The following ACVR1B variants were observed in gnomAD, a reference collection of about 807,000 sequenced individuals.
The protein encoded by ACVR1B is activin receptor type-1B.
ACVR1B carries 15 observed loss-of-function variants against 55.6 expected under a neutral mutation model. The observed-to-expected ratio is 0.27, with a 90% CI of 0.18 to 0.42. The LOEUF is 0.42. Among genes scored for constraint, ACVR1B ranks in the 10% least tolerant of loss-of-function variants. The pLI is 1.00. For synonymous variants in ACVR1B, 247 were observed against 254.6 expected, an observed-to-expected ratio of 0.97 and a Z score of 0.28; for missense variants, 359 against 670.1, an observed-to-expected ratio of 0.54 and a Z score of 5.13.
chr12:51,989,169 A>ACTCCTAC (rs1043374451), intron 7 of ACVR1B, among the ~76,000 whole-genome samples: 39 of 151,410 alleles, frequency 2.6e-4, no homozygotes, highest in Middle Eastern at 3.4e-3. Flanking sequence ...GGTAGGAGAG[A>ACTCCTAC]CTCCATCTCT....
At chr12:51,989,445 G>C (rs4761842) in intron 7 of ACVR1B, among the ~76,000 whole-genome samples, 119,354 of 151,186 alleles carry the variant, frequency 0.79, 47,930 homozygotes, top group African/African-American at 0.9. Context: ...CCACCACTGC[G>C]GGCTGATTTT....
At chr12:51,973,442 C>T (rs1941785886) in intron 1 of ACVR1B, among the ~76,000 whole-genome samples, 1 of 152,176 alleles carries the variant, frequency 6.6e-6, no homozygotes, top group Non-Finnish European at 1.5e-5. Flanking sequence ...TGGGAGTTAG[C>T]TTTCTTAAGA....
At chr12:51,984,896 C>T (rs1396629347) in intron 5 of ACVR1B, among the ~76,000 whole-genome samples, 3 of 152,178 alleles carry the variant, frequency 2.0e-5, no homozygotes, top group Non-Finnish European at 4.4e-5. Context: ...TCAGGGAAGG[C>T]GAGTAGTAGT....
At chr12:51,958,863 A>C (rs540348106) in intron 1 of ACVR1B, among the ~76,000 whole-genome samples, 1 of 152,262 alleles carries the variant, frequency 6.6e-6, no homozygotes, top group South Asian at 2.1e-4. Context: ...CAGGCCGTGG[A>C]CCAGTACCGG....
At chr12:51,969,578 G>C (rs1941706297) in intron 1 of ACVR1B, among the ~76,000 whole-genome samples, 2 of 152,278 alleles carry the variant, frequency 1.3e-5, no homozygotes, top group South Asian at 4.1e-4. Flanking sequence ...CTAAAGCCCA[G>C]GCAGGCTAAT....
intron 7 of ACVR1B, chr12:51,987,209 T>A (rs1942097205): frequency 1.5e-6 from 1 of 669,856 alleles, no homozygotes; most frequent in East Asian, 2.7e-5. Flanking sequence ...AAACATTGTT[T>A]TATTAGTCCG....
intron 4 of ACVR1B, chr12:51,982,654 A>T: frequency 1.3e-6 from 2 of 1,503,942 alleles, no homozygotes; most frequent in Non-Finnish European, 8.8e-7. Flanking sequence ...CCTACAGAAG[A>T]TGCTATTTGT....
intron 8 of ACVR1B, 137 bp downstream of exon 8, chr12:51,992,130 A>G: frequency 1.7e-6 from 2 of 1,161,474 alleles, no homozygotes; most frequent in Admixed American, 2.3e-5. Flanking sequence ...GTGCTATTTT[A>G]CATATCCCAA....
At chr12:51,985,371 C>T in intron 6 of ACVR1B, 23 bp downstream of exon 6, 1 of 1,591,716 alleles carries the variant, frequency 6.3e-7, no homozygotes, top group Non-Finnish European at 8.5e-7. Context: ...GGGACTCTGC[C>T]CTTGCTAAGC....
chr12:51,972,703 G>A (rs1016773592), intron 1 of ACVR1B, among the ~76,000 whole-genome samples: 14 of 152,310 alleles, frequency 9.2e-5, no homozygotes, highest in Non-Finnish European at 8.8e-5. Flanking sequence ...CCCCACTGTG[G>A]CTACTAGTGA....
At chr12:51,989,087 C>T (rs1242074702) in intron 7 of ACVR1B, among the ~76,000 whole-genome samples, 1 of 152,142 alleles carries the variant, frequency 6.6e-6, no homozygotes, top group Non-Finnish European at 1.5e-5. Flanking sequence ...GAAGCCCTAT[C>T]TCTATTAAAA....
chr12:51,961,554 T>A (rs895409736), intron 1 of ACVR1B, among the ~76,000 whole-genome samples: 3 of 152,224 alleles, frequency 2.0e-5, no homozygotes, highest in Non-Finnish European at 2.9e-5. Context: ...CTCATTAGTT[T>A]TATTCTCAGT....
chr12:51,986,685 C>T (rs1297715161), intron 6 of ACVR1B, 133 bp from the exon 7 acceptor site: 4 of 1,242,022 alleles, frequency 3.2e-6, no homozygotes, highest in Admixed American at 2.3e-5. Context: ...GAGATGTGTA[C>T]ACTTCTTCTG....
At chr12:51,954,821 G>A (rs1244763985) in intron 1 of ACVR1B, among the ~76,000 whole-genome samples, 1 of 152,184 alleles carries the variant, frequency 6.6e-6, no homozygotes, top group African/African-American at 2.4e-5. Context: ...TGGCGGGGAG[G>A]TATTTTTAGA....
At chr12:51,979,847 GGT>G (rs1364486268) in intron 3 of ACVR1B, among the ~76,000 whole-genome samples, 1 of 152,136 alleles carries the variant, frequency 6.6e-6, no homozygotes, top group African/African-American at 2.4e-5. Context: ...GGTGAGGCGG[GGT>G]GTGTGTGGGT....
chr12:51,973,996 G>A (rs1289906689), intron 1 of ACVR1B, among the ~76,000 whole-genome samples: 1 of 152,222 alleles, frequency 6.6e-6, no homozygotes, highest in Non-Finnish European at 1.5e-5. Context: ...AGGAAGAGAC[G>A]AAGATAGACT....
In ACVR1B at chr12:51,981,107, A is replaced by AAG. The variant is rs1194201022; in HGVS notation, c.721_722dup (p.Arg242AsnfsTer54). 6.2e-7 allele frequency: 1 copy of AAG among 1,614,106 alleles called. No homozygotes were observed. The highest frequency in any genetic ancestry group is 1.7e-5 in the Admixed American group (1 of 60,016). On this transcript the variant is annotated frameshift_variant, in exon 4 of 9. Transcript: ENST00000257963. LOFTEE classifies it high-confidence loss of function. ...GCTGTGAAAATATTCTCTTCTCGTG[A>AAG]AGAACGGTCTTGGTTCAGGGAAGCA... is the stretch of plus-strand genomic sequence containing the variant.
At chr12:51,972,065 A>AG (rs1014501893) in intron 1 of ACVR1B, among the ~76,000 whole-genome samples, 8 of 151,988 alleles carry the variant, frequency 5.3e-5, no homozygotes, top group Non-Finnish European at 1.0e-4. Context: ...TTTTACATTG[A>AG]GGGGGGGATT....
At chr12:51,951,965 A>G (rs540481020) in intron 1 of ACVR1B, 131 bp downstream of exon 1, 1 of 476,248 alleles carries the variant, frequency 2.1e-6, no homozygotes, top group East Asian at 4.3e-5. Context: ...GGGGGCGCAG[A>G]GGAGTCGGGG....
Sources: gnomAD v4.1 joint callset for allele counts (sites outside exome capture counted in the v4.1 genomes callset) on GRCh38, gnomAD v4.1.1 for gene constraint, MANE v1.5 for transcripts, NCBI Gene and HGNC (gene_info 2026-07-23, HGNC 2026-07-21) for gene names.